Variants in CSGALNACT1 observed in about 807,000 individuals in gnomAD.
CSGALNACT1 encodes the protein chondroitin sulfate N-acetylgalactosaminyltransferase 1.
Under a neutral mutation model 51.0 loss-of-function variants are expected in CSGALNACT1, and 52 were observed. The ratio of observed to expected loss-of-function variants is 1.02; its 90% CI spans 0.82 to 1.29. The LOEUF is 1.29. CSGALNACT1 is among the 50% of genes most tolerant of loss of function. CSGALNACT1 has a pLI of 0.00. For synonymous variants in CSGALNACT1, 341 were observed against 254.4 expected (o/e 1.34, Z -3.24); for missense variants, 935 against 679.2 (o/e 1.38, Z -4.19).
intron 6 of CSGALNACT1, among the ~76,000 whole-genome samples, chr8:19,423,443 A>C (rs148928943): frequency 1.6e-4 from 25 of 152,266 alleles, no homozygotes; most frequent in African/African-American, 5.5e-4. Context: ...GGTGGTGTGC[A>C]TGCTTACCTA....
chr8:19,608,128 A>T (rs1458377674), intron 1 of CSGALNACT1, among the ~76,000 whole-genome samples: 2 of 152,188 alleles, frequency 1.3e-5, no homozygotes, highest in Non-Finnish European at 2.9e-5. Flanking sequence ...TTTCCATCGC[A>T]TAGCTGGCTG....
chr8:19,652,711 C>G (rs952446908), intron 1 of CSGALNACT1, among the ~76,000 whole-genome samples: 4 of 152,186 alleles, frequency 2.6e-5, no homozygotes, highest in African/African-American at 9.7e-5. Context: ...TCCTGCTGTT[C>G]CACTTAAAAT....
intron 5 of CSGALNACT1, among the ~76,000 whole-genome samples, chr8:19,451,385 A>G (rs1006110615): frequency 7.9e-5 from 12 of 152,358 alleles, no homozygotes; most frequent in Non-Finnish European, 1.6e-4. Context: ...GAACTTTATA[A>G]AAATCGTTTT....
chr8:19,656,153 G>C (rs971279468), intron 1 of CSGALNACT1, among the ~76,000 whole-genome samples: 13 of 152,170 alleles, frequency 8.5e-5, no homozygotes, highest in Admixed American at 6.5e-4. Flanking sequence ...CTGACCAATA[G>C]CAACAAAGTG....
Position 19,755,456 on chromosome 8 carries a change from C to CAAAAAAAAAAAAAAAAAAA in CSGALNACT1, c.-297+2375_-297+2393dup, listed in dbSNP as rs71205945. On this transcript the variant is annotated intron_variant, in intron 1 of 1. Transcript: ENST00000517494. ...GGGGATCCCTAAATGTAAAGAAAGA[C>CAAAAAAAAAAAAAAAAAAA]AAAAAAAAAAAAAAAAAAAAAAAAA... 1.1e-3 allele frequency among the ~76,000 whole-genome samples: 79 copies of CAAAAAAAAAAAAAAAAAAA among 74,516 alleles called. 7 individuals carry two copies. Among genetic ancestry groups the CAAAAAAAAAAAAAAAAAAA allele is most frequent in the South Asian group, 1.7e-3 (2 of 1,182 alleles). 48.9% of individuals were successfully genotyped at this position (74,516 alleles called of 152,430 possible). A position where few individuals can be genotyped will look rare whatever the true frequency, so the allele number is the denominator to read the frequency against.
At chr8:19,657,381 G>C (rs1031587130) in intron 1 of CSGALNACT1, among the ~76,000 whole-genome samples, 4 of 152,202 alleles carry the variant, frequency 2.6e-5, no homozygotes, top group Non-Finnish European at 1.5e-5. Context: ...GAATGGATCA[G>C]AGGCAAGATG....
chr8:19,658,458 G>A (rs1450546221), intron 1 of CSGALNACT1, among the ~76,000 whole-genome samples: 3 of 152,172 alleles, frequency 2.0e-5, no homozygotes, highest in Non-Finnish European at 4.4e-5. Flanking sequence ...AAGAGGCCGG[G>A]CATGGTGGTT....
chr8:19,404,453 G>C, exon 10 of CSGALNACT1: 1 of 452,846 alleles, frequency 2.2e-6, no homozygotes, highest in Non-Finnish European at 4.4e-6. Flanking sequence ...AGTTTGAAAT[G>C]GTAATAAAAT....
At chr8:19,578,255 A>G (rs1564125590) in intron 3 of CSGALNACT1, among the ~76,000 whole-genome samples, 1 of 152,276 alleles carries the variant, frequency 6.6e-6, no homozygotes, top group East Asian at 1.9e-4. Flanking sequence ...ATCACTCTCA[A>G]AAGTCCAGCC....
intron 3 of CSGALNACT1, among the ~76,000 whole-genome samples, chr8:19,584,610 T>C (rs140179319): frequency 5.8e-4 from 89 of 152,328 alleles, no homozygotes; most frequent in East Asian, 5.6e-3. Context: ...ATACCATTAA[T>C]TGACTATTCA....
intron 4 of CSGALNACT1, among the ~76,000 whole-genome samples, chr8:19,473,981 A>C (rs1199655138): frequency 1.3e-5 from 2 of 152,264 alleles, no homozygotes; most frequent in Non-Finnish European, 2.9e-5. Flanking sequence ...TCTTGGGCCT[A>C]TTAAATTGAG....
intron 1 of CSGALNACT1, among the ~76,000 whole-genome samples, chr8:19,749,021 C>T (rs2064864836): frequency 6.6e-6 from 1 of 151,686 alleles, no homozygotes; most frequent in Non-Finnish European, 1.5e-5. Flanking sequence ...AAAGTGAGGT[C>T]GTTGTGCATG....
intron 3 of CSGALNACT1, among the ~76,000 whole-genome samples, chr8:19,565,343 C>T (rs1373018743): frequency 6.6e-6 from 1 of 152,146 alleles, no homozygotes; most frequent in East Asian, 1.9e-4. Flanking sequence ...CATAAACTGT[C>T]ACCTCTCCAG....
intron 4 of CSGALNACT1, among the ~76,000 whole-genome samples, chr8:19,493,496 C>T (rs978400723): frequency 6.6e-6 from 1 of 152,198 alleles, no homozygotes; most frequent in Non-Finnish European, 1.5e-5. Flanking sequence ...TCTCCACCAA[C>T]TCCTCCAACC....
chr8:19,753,961 A>T (rs530670232), intron 1 of CSGALNACT1, among the ~76,000 whole-genome samples: 1 of 152,238 alleles, frequency 6.6e-6, no homozygotes, highest in African/African-American at 2.4e-5. Context: ...TCAAAAACAC[A>T]TAGAAGAAAG....
intron 1 of CSGALNACT1, among the ~76,000 whole-genome samples, chr8:19,674,281 T>A (rs1396611186): frequency 3.3e-5 from 5 of 151,800 alleles, no homozygotes; most frequent in Non-Finnish European, 2.9e-5. Context: ...TCACAAAGTG[T>A]GACTGTGTCT....
Position 19,414,006 on chromosome 8 carries a change from G to A in CSGALNACT1, c.1227+4650C>T, listed in dbSNP as rs1248679307. On this transcript the variant is annotated intron_variant, in intron 8 of 9. Coordinates refer to ENST00000454498, the Ensembl canonical transcript of CSGALNACT1. ...ACAAGGGCTCAGGGCTTGCAGTGCT[G>A]TGCTGGAGCCAGCTTGCACCAGCTC... 2.0e-5 allele frequency among the ~76,000 whole-genome samples: 3 copies of A among 152,314 alleles called. No homozygotes were observed. In the East Asian group the frequency reaches 5.8e-4, roughly 29 times the overall value.
intron 3 of CSGALNACT1, among the ~76,000 whole-genome samples, chr8:19,573,488 G>C (rs1364399169): frequency 6.6e-6 from 1 of 151,608 alleles, no homozygotes; most frequent in Non-Finnish European, 1.5e-5. Context: ...CCGTTGCCCA[G>C]GCTGGAATGT....
intron 1 of CSGALNACT1, among the ~76,000 whole-genome samples, chr8:19,726,169 T>G (rs1470978177): frequency 6.6e-6 from 1 of 152,208 alleles, no homozygotes; most frequent in Non-Finnish European, 1.5e-5. Context: ...ATAAGCTCCA[T>G]GTATTTGGAT....
Sources: gnomAD v4.1 joint callset for allele counts (sites outside exome capture counted in the v4.1 genomes callset) on GRCh38, gnomAD v4.1.1 for gene constraint, MANE v1.5 for transcripts, NCBI Gene and HGNC (gene_info 2026-07-23, HGNC 2026-07-21) for gene names.